Variants in MLLT3 observed in about 807,000 individuals in gnomAD.
The protein encoded by MLLT3 is MLLT3 super elongation complex subunit, also known as protein AF-9.
In MLLT3, 4 loss-of-function variants were observed where a neutral mutation model predicts 53.2. That is an observed-to-expected ratio of 0.08 (90% CI 0.04 to 0.17). The LOEUF is 0.17. MLLT3 is among the 10% of genes least tolerant of loss of function. The pLI is 1.00. For missense variants in MLLT3, 569 were observed against 684.0 expected (o/e 0.83, Z 1.87); for synonymous variants, 283 against 230.6 (o/e 1.23, Z -2.06).
intron 2 of MLLT3, among the ~76,000 whole-genome samples, chr9:20,585,261 C>T (rs2131178920): frequency 6.6e-6 from 1 of 152,264 alleles, no homozygotes; most frequent in South Asian, 2.1e-4. Flanking sequence ...TTTTCAGTCT[C>T]TTATTTTTCA....
At chr9:20,504,826 T>A (rs1825345619) in intron 2 of MLLT3, among the ~76,000 whole-genome samples, 1 of 152,166 alleles carries the variant, frequency 6.6e-6, no homozygotes, top group African/African-American at 2.4e-5. Flanking sequence ...GATTTCCACA[T>A]CATGTTATAC....
intron 2 of MLLT3, among the ~76,000 whole-genome samples, chr9:20,552,930 T>G (rs1370665011): frequency 6.6e-6 from 1 of 152,120 alleles, no homozygotes; most frequent in Non-Finnish European, 1.5e-5. Context: ...ATCAAAAAGT[T>G]GCAAGGTAAA....
intron 5 of MLLT3, among the ~76,000 whole-genome samples, chr9:20,376,853 CTTG>C (rs904372042): frequency 1.3e-5 from 2 of 152,156 alleles, no homozygotes; most frequent in Admixed American, 1.3e-4. Context: ...CTGAAGGATC[CTTG>C]TTAAGAGCTT....
intron 2 of MLLT3, among the ~76,000 whole-genome samples, chr9:20,514,569 G>C (rs1182813302): frequency 1.3e-5 from 2 of 151,752 alleles, no homozygotes; most frequent in Non-Finnish European, 2.9e-5. Flanking sequence ...CATATCAAAT[G>C]AGAAACTGCC....
At chr9:20,595,438 T>C (rs1450584036) in intron 2 of MLLT3, among the ~76,000 whole-genome samples, 1 of 152,078 alleles carries the variant, frequency 6.6e-6, no homozygotes, top group Non-Finnish European at 1.5e-5. Flanking sequence ...ATTTATATTA[T>C]AATTTTATAT....
chr9:20,486,142 T>C (rs973826945), intron 2 of MLLT3, among the ~76,000 whole-genome samples: 1 of 152,168 alleles, frequency 6.6e-6, no homozygotes, highest in African/African-American at 2.4e-5. Context: ...TTTCTATTCT[T>C]TTAGCACTAT....
At chr9:20,567,619 A>C (rs571787361) in intron 2 of MLLT3, among the ~76,000 whole-genome samples, 1 of 152,208 alleles carries the variant, frequency 6.6e-6, no homozygotes, top group Non-Finnish European at 1.5e-5. Flanking sequence ...TTGGCACAAG[A>C]AACTTTCCAC....
chr9:20,431,331 A>G (rs927993043), intron 4 of MLLT3, among the ~76,000 whole-genome samples: 1 of 152,152 alleles, frequency 6.6e-6, no homozygotes, highest in African/African-American at 2.4e-5. Flanking sequence ...AGCTGGGCCC[A>G]GGAGTCCTCA....
chr9:20,388,752 T>C (rs1019469631), intron 5 of MLLT3, among the ~76,000 whole-genome samples: 3 of 152,068 alleles, frequency 2.0e-5, no homozygotes, highest in Admixed American at 6.5e-5. Flanking sequence ...TGCCAGCATA[T>C]TGGGAAAAAG....
At chr9:20,350,324 G>A (rs952212080) in intron 10 of MLLT3, among the ~76,000 whole-genome samples, 16 of 152,106 alleles carry the variant, frequency 1.1e-4, no homozygotes, top group Non-Finnish European at 1.5e-4. Flanking sequence ...GGCCGGGCGC[G>A]GTGGCTCACG....
rs1821014904 is a variant in MLLT3 at position 20,621,685 on chromosome 9, T to A, written c.12+560A>T. 7.4e-7 allele frequency: 1 copy of A among 1,347,980 alleles called. No individual in the cohort carries two copies. The highest frequency in any genetic ancestry group is 2.5e-5 in the Admixed American group (1 of 39,960). 83.5% of individuals were successfully genotyped at this position (1,347,980 alleles called of 1,614,324 possible). ...CGAGCCTCGGCTCGCGCTCAGCACCTCCCGGCGCTGGGGCAAAGTTGCGTG... is the reference window on the plus strand; with the variant it reads ...CGAGCCTCGGCTCGCGCTCAGCACCACCCGGCGCTGGGGCAAAGTTGCGTG... On this transcript the variant is annotated intron_variant, in intron 1 of 10. Transcript: ENST00000380338. This position sits in a 1 kb window ranked among gnomAD's most constrained non-coding sequence, Gnocchi z 7.0.
intron 2 of MLLT3, among the ~76,000 whole-genome samples, chr9:20,505,877 C>A (rs1446787672): frequency 6.6e-6 from 1 of 152,172 alleles, no homozygotes; most frequent in Admixed American, 6.5e-5. Context: ...TTAGATACCC[C>A]CTCAGTGTGA....
intron 4 of MLLT3, among the ~76,000 whole-genome samples, chr9:20,444,281 A>C (rs1823633781): frequency 6.6e-6 from 1 of 152,202 alleles, no homozygotes; most frequent in Admixed American, 6.5e-5. Context: ...TCATTCTTTA[A>C]AAATGGGAAA....
At chr9:20,427,609 A>G (rs1025821652) in intron 4 of MLLT3, among the ~76,000 whole-genome samples, 2 of 151,978 alleles carry the variant, frequency 1.3e-5, no homozygotes, top group African/African-American at 4.8e-5. Flanking sequence ...TAAAAATAAT[A>G]TACATAAATT....
chr9:20,436,818 T>C (rs142654266), intron 4 of MLLT3, among the ~76,000 whole-genome samples: 2 of 152,264 alleles, frequency 1.3e-5, no homozygotes, highest in African/African-American at 2.4e-5. Context: ...GCCATAAAAA[T>C]ACACCCTGAT....
intron 2 of MLLT3, among the ~76,000 whole-genome samples, chr9:20,470,142 A>G (rs1371845270): frequency 1.3e-5 from 2 of 152,028 alleles, no homozygotes; most frequent in African/African-American, 4.8e-5. Context: ...CTAACAGGGT[A>G]TTTAACTAAA....
chr9:20,426,663 T>C (rs761978714), intron 4 of MLLT3, among the ~76,000 whole-genome samples: 3 of 152,120 alleles, frequency 2.0e-5, no homozygotes, highest in East Asian at 1.9e-4. Flanking sequence ...TTAAATACTA[T>C]GGCTTTGCAG....
At chr9:20,350,520 G>A (rs989978833) in intron 10 of MLLT3, among the ~76,000 whole-genome samples, 10 of 148,478 alleles carry the variant, frequency 6.7e-5, no homozygotes, top group East Asian at 4.0e-4. Context: ...GCGTGAACCC[G>A]GGAGGCGGAG....
In MLLT3 at chr9:20,621,901, C is replaced by T. The variant is rs979656451; in HGVS notation, c.12+344G>A. ...CTGAGTTATTATTCGCCTCCTTCCA[C>T]CGTGTGTGTGTGTGTGTGTGAGTGC... On this transcript the variant is annotated intron_variant, in intron 1 of 10. Coordinates refer to ENST00000380338, the MANE Select transcript of MLLT3 (RefSeq NM_004529.4). This position sits in a 1 kb window ranked among gnomAD's most constrained non-coding sequence, Gnocchi z 7.0. The T allele has an allele frequency of 3.7e-6, 5 of 1,341,174 alleles. No individual in the cohort carries two copies. The Admixed American group carries it at 1.2e-4, about 33-fold the overall frequency. 83.1% of individuals were successfully genotyped at this position (1,341,174 alleles called of 1,614,324 possible).
Sources: gnomAD v4.1 joint callset for allele counts (sites outside exome capture counted in the v4.1 genomes callset) on GRCh38, gnomAD v4.1.1 for gene constraint, Gnocchi (gnomAD v3.1) non-coding constraint, MANE v1.5 for transcripts, NCBI Gene and HGNC (gene_info 2026-07-23, HGNC 2026-07-21) for gene names.